CNGA1: variants seen among roughly 807,000 people sequenced by gnomAD.
CNGA1 encodes the protein cyclic nucleotide-gated channel alpha-1.
CNGA1 carries 53 observed loss-of-function variants against 69.7 expected under a neutral mutation model. The ratio of observed to expected loss-of-function variants is 0.76; its 90% CI spans 0.61 to 0.96. The LOEUF (loss-of-function observed/expected upper bound fraction) is 0.96, where lower values mean the gene tolerates loss of function less well. CNGA1 is among the 40% of genes least tolerant of loss of function. The pLI is 0.00. For synonymous variants in CNGA1, 249 were observed against 283.5 expected, an observed-to-expected ratio of 0.88 and a Z score of 1.22; for missense variants, 739 against 811.2, an observed-to-expected ratio of 0.91 and a Z score of 1.08.
At chr4:47,985,639 C>G (rs1240485646) in intron 2 of CNGA1, among the ~76,000 whole-genome samples, 3 of 152,160 alleles carry the variant, frequency 2.0e-5, no homozygotes, top group Non-Finnish European at 4.4e-5. Flanking sequence ...CACAATGAAT[C>G]TCACATACAC....
At chr4:47,960,654 A>C (rs746275422) in intron 3 of CNGA1, among the ~76,000 whole-genome samples, 2 of 152,214 alleles carry the variant, frequency 1.3e-5, no homozygotes, top group Non-Finnish European at 2.9e-5. Flanking sequence ...TATTTATAGA[A>C]GTCCCAAACA....
chr4:47,961,790 T>C (rs1348206037), intron 3 of CNGA1, among the ~76,000 whole-genome samples: 1 of 152,180 alleles, frequency 6.6e-6, no homozygotes, highest in Non-Finnish European at 1.5e-5. Flanking sequence ...TACTGAGCAC[T>C]GGAAATGTGG....
intron 2 of CNGA1, among the ~76,000 whole-genome samples, chr4:47,990,650 A>G (rs1048695390): frequency 9.2e-5 from 14 of 152,084 alleles, no homozygotes; most frequent in Admixed American, 3.3e-4. Context: ...AATCCCTAAT[A>G]AAAACTTGCT....
intron 3 of CNGA1, 77 bp from the exon 4 acceptor site, chr4:47,952,780 G>GTAT: frequency 9.2e-7 from 1 of 1,084,046 alleles, no homozygotes; most frequent in South Asian, 2.1e-5. Flanking sequence ...TTCACCCTAT[G>GTAT]TATTAGTCTG....
intron 1 of CNGA1, among the ~76,000 whole-genome samples, chr4:48,011,346 A>AC (rs1375148037): frequency 3.9e-5 from 6 of 151,954 alleles, no homozygotes; most frequent in Admixed American, 6.6e-5. Context: ...GGGAGAGAAA[A>AC]AAAACAAAAC....
chr4:47,981,972 A>G (rs11939754), intron 2 of CNGA1, among the ~76,000 whole-genome samples: 80,658 of 152,084 alleles, frequency 0.53, 23,137 homozygotes, highest in Non-Finnish European at 0.64. Flanking sequence ...TTAATTGTCT[A>G]TTTTATGGAG....
At chr4:47,949,812 T>G (rs1739634151) in intron 6 of CNGA1, 21 bp downstream of exon 6, 1 of 1,606,198 alleles carries the variant, frequency 6.2e-7, no homozygotes, top group Non-Finnish European at 8.5e-7. Context: ...AACTTTGGTT[T>G]TCTATTGTAA....
In CNGA1 at chr4:47,943,236, T is replaced by C. The variant is rs1275057708; in HGVS notation, c.382A>G (p.Lys128Glu). Residue 128 changes from lysine (K) to glutamate (E), a missense_variant, in exon 8 of 11, where the codon AAA becomes GAA. By Grantham distance (56) the Lys-to-Glu change is moderately conservative. Coordinates refer to ENST00000514170, the MANE Select transcript of CNGA1 (RefSeq NM_001379270.1). Reference sequence around the variant, plus strand: ...TTCTTTTTCTTCTCTTTGTCCTTTTTCTTCTTTTTCTTCTCTGGGTCGTTT... The same window carrying C: ...TTCTTTTTCTTCTCTTTGTCCTTTTCCTTCTTTTTCTTCTCTGGGTCGTTT... ...NKNDPEKKKK[K>E]KDKEKKKKEE... is the part of the protein sequence containing the mutation. 1.3e-6 allele frequency: 2 copies of C among 1,592,050 alleles called. No homozygotes were observed. Among genetic ancestry groups the C allele is most frequent in the Non-Finnish European group, 1.7e-6 (2 of 1,169,004 alleles).
chr4:47,990,969 A>T (rs1161072581), intron 2 of CNGA1, among the ~76,000 whole-genome samples: 1 of 152,184 alleles, frequency 6.6e-6, no homozygotes, highest in Non-Finnish European at 1.5e-5. Flanking sequence ...CATGAATGTC[A>T]TTAATTCATT....
chr4:47,973,558 T>C (rs1207019538), intron 3 of CNGA1, among the ~76,000 whole-genome samples: 2 of 152,160 alleles, frequency 1.3e-5, no homozygotes, highest in Non-Finnish European at 2.9e-5. Flanking sequence ...AAATGATGCA[T>C]TTGTTATTTA....
At chr4:48,000,473 G>C (rs192877162) in intron 2 of CNGA1, among the ~76,000 whole-genome samples, 1 of 151,818 alleles carries the variant, frequency 6.6e-6, no homozygotes, top group Non-Finnish European at 1.5e-5. Context: ...AGTTTCAAGC[G>C]ATTCTCATGC....
intron 3 of CNGA1, among the ~76,000 whole-genome samples, chr4:47,957,447 C>CAAAATA (rs1740156186): frequency 6.6e-6 from 1 of 151,848 alleles, no homozygotes; most frequent in Non-Finnish European, 1.5e-5. Flanking sequence ...TCCATCTCTA[C>CAAAATA]AAAATAAAAA....
chr4:48,002,723 A>G lies in CNGA1; in HGVS notation c.-123+8071T>C, dbSNP rs577295141. Among the ~76,000 whole-genome samples, 7 of 151,290 alleles carry G rather than the reference A, an allele frequency of 4.6e-5. No homozygotes were observed. The South Asian group carries it at 1.0e-3, about 23-fold the overall frequency. On this transcript the variant is annotated intron_variant, in intron 2 of 10. Transcript: ENST00000514170. ...AACAAAAACAAAAAACCCTGAAAAG[A>G]TATCTCAAAAGGCCAGTGTTAGGTT...
chr4:47,936,460 C>G lies in CNGA1; in HGVS notation c.2022G>C (p.Glu674Asp), dbSNP rs1738644040. Reference sequence around the variant, plus strand: ...TGGGCCCACTTTCCGCTCCAGGTCCCTCAATACTTGAAAATTCTGTGTCAA... The same window carrying G: ...TGGGCCCACTTTCCGCTCCAGGTCCGTCAATACTTGAAAATTCTGTGTCAA... ...PLIDTEFSSI[E>D]GPGAESGPID... Residue 674 changes from glutamate to aspartate, a missense_variant, in exon 11 of 11, where the codon GAG becomes GAC. Physicochemically the swap from Glu to Asp is conservative, Grantham distance 45. Coordinates refer to ENST00000514170, the MANE Select transcript of CNGA1 (RefSeq NM_001379270.1). The G allele has an allele frequency of 6.2e-7, 1 of 1,614,202 alleles. No individual in the cohort carries two copies. Among genetic ancestry groups the G allele is most frequent in the African/African-American group, 1.3e-5 (1 of 75,042 alleles).
At chr4:47,990,805 G>A (rs545120194) in intron 2 of CNGA1, among the ~76,000 whole-genome samples, 4 of 152,228 alleles carry the variant, frequency 2.6e-5, no homozygotes, top group African/African-American at 7.2e-5. Context: ...AAGAACCTAC[G>A]TTGAAATATG....
chr4:47,993,106 A>G (rs185427831), intron 2 of CNGA1, among the ~76,000 whole-genome samples: 1 of 152,146 alleles, frequency 6.6e-6, no homozygotes, highest in Admixed American at 6.5e-5. Context: ...TATTTTGTTA[A>G]TTTTAGCATC....
At chr4:47,981,525 T>C (rs1275457467) in intron 2 of CNGA1, 25 bp from the exon 3 acceptor site, 1 of 152,144 alleles carries the variant, frequency 6.6e-6, no homozygotes, top group Non-Finnish European at 1.5e-5. Flanking sequence ...ATAATAAACA[T>C]GCTGATTTTT....
chr4:47,949,291 A>T (rs1274601963), intron 6 of CNGA1, among the ~76,000 whole-genome samples: 1 of 152,208 alleles, frequency 6.6e-6, no homozygotes, highest in Admixed American at 6.5e-5. Flanking sequence ...ATAACTGTGC[A>T]TGGGAACAAA....
At chr4:47,955,634 C>T (rs141522891) in intron 3 of CNGA1, among the ~76,000 whole-genome samples, 1 of 152,312 alleles carries the variant, frequency 6.6e-6, no homozygotes, top group East Asian at 1.9e-4. Flanking sequence ...TTCAAAAGTC[C>T]ACTTCTCTTG....
Sources: gnomAD v4.1 joint callset for allele counts (sites outside exome capture counted in the v4.1 genomes callset) on GRCh38, gnomAD v4.1.1 for gene constraint, MANE v1.5 for transcripts, NCBI Gene and HGNC (gene_info 2026-07-23, HGNC 2026-07-21) for gene names.